Variants in TRHR observed in about 807,000 individuals in gnomAD.
TRHR encodes the protein thyrotropin-releasing hormone receptor.
A neutral mutation model predicts 28.0 loss-of-function variants in TRHR; 14 were observed. That is an observed-to-expected ratio of 0.50 (90% CI 0.33 to 0.78). The LOEUF is 0.78. TRHR is among the 30% of genes least tolerant of loss of function. The probability of loss-of-function intolerance (pLI) is 0.02; values close to 1 mark genes in which losing one functional copy is unlikely to be tolerated. For synonymous variants in TRHR, 176 were observed against 171.9 expected (o/e 1.02, Z -0.18); for missense variants, 438 against 469.5 (o/e 0.93, Z 0.62).
intron 2 of TRHR, among the ~76,000 whole-genome samples, chr8:109,096,474 G>A (rs1811593979): frequency 6.6e-6 from 1 of 152,164 alleles, no homozygotes; most frequent in African/African-American, 2.4e-5. Flanking sequence ...ACATCCCAAA[G>A]AGTAGGGCCT....
chr8:109,105,735 T>C (rs540789032), intron 2 of TRHR, among the ~76,000 whole-genome samples: 2 of 152,300 alleles, frequency 1.3e-5, no homozygotes, highest in African/African-American at 2.4e-5. Flanking sequence ...TGTTGTTGTA[T>C]TGAATCCATA....
rs76259218 is a variant in TRHR, at chr8:109,118,615, A to G, written c.790-433A>G. Among the ~76,000 whole-genome samples, 1,129 of 151,868 alleles carry G rather than the reference A, an allele frequency of 7.4e-3. 16 individuals are homozygous for G. Among genetic ancestry groups the G allele is most frequent in the African/African-American group, 0.025 (1,045 of 41,464 alleles). On this transcript the variant is annotated intron_variant, in intron 2 of 2. Transcript: ENST00000518632. ...TCCCACTTCAGGCATCCACTGTACC[A>G]TTTGTCTCTCCTCTTCTTGGCCTCA...
intron 2 of TRHR, among the ~76,000 whole-genome samples, chr8:109,108,325 C>T (rs573218203): frequency 6.6e-6 from 1 of 152,312 alleles, no homozygotes; most frequent in South Asian, 2.1e-4. Context: ...CCAGCCCCTA[C>T]TGGGTAAGCA....
chr8:109,093,664 A>C (rs1490337315), intron 2 of TRHR, among the ~76,000 whole-genome samples: 1 of 151,882 alleles, frequency 6.6e-6, no homozygotes, highest in Non-Finnish European at 1.5e-5. Context: ...TTGGCCTCCC[A>C]AAGTGCTGGG....
At chr8:109,106,813 T>A (rs528161151) in intron 2 of TRHR, among the ~76,000 whole-genome samples, 51 of 152,314 alleles carry the variant, frequency 3.3e-4, no homozygotes, top group African/African-American at 1.2e-3. Context: ...GTTTATTCAT[T>A]CATTTCCTGA....
intron 2 of TRHR, among the ~76,000 whole-genome samples, chr8:109,097,599 A>T (rs1811613848): frequency 1.3e-5 from 2 of 152,224 alleles, no homozygotes; most frequent in African/African-American, 4.8e-5. Context: ...CTTACTGTGC[A>T]TAAGGTTGAA....
intron 2 of TRHR, among the ~76,000 whole-genome samples, chr8:109,111,101 G>A (rs999530352): frequency 2.6e-5 from 4 of 150,974 alleles, no homozygotes; most frequent in South Asian, 2.1e-4. Context: ...GCAGTGAGCC[G>A]AGATCACACC....
At position 109,088,168 on chromosome 8, in the gene TRHR, T is replaced by C; in HGVS notation, c.656T>C (p.Phe219Ser). ...VLYGFIARIL[F>S]LNPIPSDPKE... is the part of the protein sequence containing the mutation. ...TATGGATTCATAGCTAGAATCCTTTTCTTAAATCCCATTCCTTCAGATCCT... is the reference window on the plus strand; with the variant it reads ...TATGGATTCATAGCTAGAATCCTTTCCTTAAATCCCATTCCTTCAGATCCT... The change falls in exon 2 of 3, where the codon TTC becomes TCC. Residue 219 changes from phenylalanine (F) to serine (S), a missense_variant. Phe to Ser is a radical substitution (Grantham distance 155, BLOSUM62 -2). Transcript: ENST00000518632. 3 of 1,614,172 alleles carry C rather than the reference T, an allele frequency of 1.9e-6. No homozygotes were observed. The highest frequency in any genetic ancestry group is 1.3e-5 in the African/African-American group (1 of 75,054).
rs775618512 is a variant in TRHR at position 109,087,571 on chromosome 8, T to C, written c.59T>C (p.Val20Ala). 6.2e-7 allele frequency: 1 copy of C among 1,614,216 alleles called. No individual in the cohort carries two copies. Among genetic ancestry groups the C allele is most frequent in the East Asian group, 2.2e-5 (1 of 44,886 alleles). The change falls in exon 2 of 3, where the codon GTG becomes GCG. Residue 20 changes from valine to alanine, a missense_variant. Coordinates refer to ENST00000518632, the MANE Select transcript of TRHR (RefSeq NM_003301.7). ...NQTQLQPRAV[V>A]ALEYQVVTIL... is the part of the protein sequence containing the mutation. ...ACACAGCTTCAGCCACGAGCAGTGG[T>C]GGCCTTAGAATACCAGGTGGTCACC... is the stretch of plus-strand genomic sequence containing the variant.
intron 2 of TRHR, among the ~76,000 whole-genome samples, chr8:109,118,019 T>C (rs926398300): frequency 1.3e-5 from 2 of 151,962 alleles, no homozygotes; most frequent in African/African-American, 4.8e-5. Context: ...TTACTTCCTG[T>C]GCATTGCTTA....
rs397691686 is a variant in TRHR at position 109,121,082 on chromosome 8, CT to C, written c.*1639del. ...ATCCAGAACCTCATTCTAGAGTGCGCTTTTTTTTTTTTGAAAATTGGCCTTA... is the reference window on the plus strand; with the variant it reads ...ATCCAGAACCTCATTCTAGAGTGCGCTTTTTTTTTTTGAAAATTGGCCTTA... On this transcript the variant is annotated 3_prime_UTR_variant, in exon 3 of 3. Coordinates refer to ENST00000518632, the MANE Select transcript of TRHR (RefSeq NM_003301.7). Among the ~76,000 whole-genome samples, 58 of 144,260 alleles carry C rather than the reference CT, an allele frequency of 4.0e-4. No individual in the cohort carries two copies. Among genetic ancestry groups the C allele is most frequent in the South Asian group, 8.8e-4 (4 of 4,568 alleles). The allele number at this position is 144,260 out of a possible 152,430, so 94.6% of individuals were successfully genotyped here.
At chr8:109,089,220 CAT>C (rs1356293261) in intron 2 of TRHR, among the ~76,000 whole-genome samples, 8 of 151,682 alleles carry the variant, frequency 5.3e-5, no homozygotes, top group African/African-American at 1.9e-4. Flanking sequence ...CTTTGTTAAA[CAT>C]AATGAACAGA....
In TRHR at chr8:109,087,470, T is replaced by G; in HGVS notation, c.-43T>G. The stretch of plus-strand genomic sequence containing the variant: ...AAAGGTGGGCGCTGGAAAGAAGATG[T>G]TTTGAGAAGTCAGTGTTTCCGAGAA... On this transcript the variant is annotated 5_prime_UTR_variant, in exon 2 of 3. Coordinates refer to ENST00000518632, the MANE Select transcript of TRHR (RefSeq NM_003301.7). 6.2e-7 allele frequency: 1 copy of G among 1,610,984 alleles called. No individual in the cohort carries two copies. Among genetic ancestry groups the G allele is most frequent in the Non-Finnish European group, 8.5e-7 (1 of 1,178,226 alleles).
At chr8:109,093,241 G>C (rs1811540619) in intron 2 of TRHR, among the ~76,000 whole-genome samples, 2 of 151,478 alleles carry the variant, frequency 1.3e-5, no homozygotes, top group South Asian at 4.2e-4. Context: ...GTGTCTCAGT[G>C]ATCCCCACCT....
chr8:109,119,561 A>T lies in TRHR; in HGVS notation c.*106A>T. The T allele has an allele frequency of 7.4e-7, 1 of 1,355,166 alleles. No homozygotes were observed. Among genetic ancestry groups the T allele is most frequent in the Non-Finnish European group, 1.0e-6 (1 of 980,276 alleles). 83.9% of individuals were successfully genotyped at this position (1,355,166 alleles called of 1,614,324 possible). On this transcript the variant is annotated 3_prime_UTR_variant, in exon 3 of 3. Coordinates refer to ENST00000518632, the MANE Select transcript of TRHR (RefSeq NM_003301.7). ...GTCATATGTGAAGACAGAGCAGATC[A>T]GTCTTTGTCAATGCTCTAACAAATT...
Position 109,114,889 on chromosome 8 carries a change from G to A in TRHR, c.790-4159G>A, listed in dbSNP as rs180956357. Among the ~76,000 whole-genome samples, 25 of 152,130 alleles carry A rather than the reference G, an allele frequency of 1.6e-4. No individual in the cohort carries two copies. The East Asian group carries it at 2.3e-3, about 14-fold the overall frequency. ...CATTGCCATGTCTCTCTGGATCACC[G>A]TCAAATCATCAAGAACCAGAACATT... On this transcript the variant is annotated intron_variant, in intron 2 of 2. Transcript: ENST00000518632.
chr8:109,112,639 A>G (rs1811852253), intron 2 of TRHR, among the ~76,000 whole-genome samples: 1 of 152,104 alleles, frequency 6.6e-6, no homozygotes, highest in African/African-American at 2.4e-5. Context: ...CCATGATTCC[A>G]TAGTTACCAA....
At chr8:109,103,367 A>G (rs956496092) in intron 2 of TRHR, among the ~76,000 whole-genome samples, 1 of 152,186 alleles carries the variant, frequency 6.6e-6, no homozygotes, top group African/African-American at 2.4e-5. Context: ...TGACAAAAGC[A>G]ACGCACTCCA....
chr8:109,102,291 A>AAGAGCT (rs1201804310), intron 2 of TRHR, among the ~76,000 whole-genome samples: 1 of 152,098 alleles, frequency 6.6e-6, no homozygotes, highest in Non-Finnish European at 1.5e-5. Flanking sequence ...TTTGATGGGA[A>AAGAGCT]AGAGCTAGTA....
Sources: allele counts gnomAD v4.1 joint callset (sites outside exome capture counted in the v4.1 genomes callset), GRCh38; gene constraint gnomAD v4.1.1; transcripts MANE v1.5; gene names NCBI Gene and HGNC (gene_info 2026-07-23, HGNC 2026-07-21).